The following SH2D4B variants were observed in gnomAD, a reference collection of about 807,000 sequenced individuals.
The protein encoded by SH2D4B is SH2 domain containing 4B.
Under a neutral mutation model 61.5 loss-of-function variants are expected in SH2D4B, and 45 were observed. That is an observed-to-expected ratio of 0.73 (90% CI 0.58 to 0.94). SH2D4B has a LOEUF of 0.94. SH2D4B is among the 40% of genes least tolerant of loss of function. The probability of loss-of-function intolerance (pLI) is 0.00; values close to 1 mark genes in which losing one functional copy is unlikely to be tolerated. For missense variants in SH2D4B, 572 were observed against 574.2 expected (o/e 1.00, Z 0.04); for synonymous variants, 224 against 220.4 (o/e 1.02, Z -0.14).
rs540152618 is a variant in SH2D4B, at chr10:80,634,520, G to A, written c.1209+15G>A. 2.9e-4 allele frequency: 444 copies of A among 1,547,690 alleles called. 10 individuals are homozygous for A. The South Asian group carries it at 4.8e-3, about 17-fold the overall frequency. On this transcript the variant is annotated intron_variant, in intron 7 of 7. Coordinates refer to ENST00000646907, the MANE Select transcript of SH2D4B (RefSeq NM_001388272.1). ...ATTTCCATAAGGTATCCCTCACAGG[G>A]ATACTAATGGGGGGGAGGGGGAACT...
At chr10:80,619,999 A>G (rs1842700434) in intron 6 of SH2D4B, among the ~76,000 whole-genome samples, 1 of 152,190 alleles carries the variant, frequency 6.6e-6, no homozygotes, top group Non-Finnish European at 1.5e-5. Context: ...GGACTTGGAA[A>G]TGATATCTTG....
chr10:80,553,291 T>C (rs1259263283), intron 1 of SH2D4B, among the ~76,000 whole-genome samples: 1 of 152,226 alleles, frequency 6.6e-6, no homozygotes, highest in East Asian at 1.9e-4. Flanking sequence ...ATTCTCACCC[T>C]CAAAACTGTG....
intron 5 of SH2D4B, among the ~76,000 whole-genome samples, chr10:80,604,281 G>A (rs548089820): frequency 2.6e-5 from 4 of 152,280 alleles, no homozygotes; most frequent in East Asian, 1.9e-4. Flanking sequence ...GGTTGCAGGC[G>A]GGTCCTCACA....
At chr10:80,543,597 G>C (rs993934741) in intron 1 of SH2D4B, among the ~76,000 whole-genome samples, 1 of 152,210 alleles carries the variant, frequency 6.6e-6, no homozygotes, top group South Asian at 2.1e-4. Context: ...TGAGGAGTGC[G>C]GGCGCACCGC....
At chr10:80,571,247 C>T (rs952310541) in intron 2 of SH2D4B, among the ~76,000 whole-genome samples, 184 bp from the exon 3 acceptor site, 1 of 152,198 alleles carries the variant, frequency 6.6e-6, no homozygotes, top group African/African-American at 2.4e-5. Flanking sequence ...GTTTTCCTGG[C>T]TTCCAGAACA....
intron 6 of SH2D4B, among the ~76,000 whole-genome samples, chr10:80,610,103 A>G (rs1007319823): frequency 1.3e-5 from 2 of 152,088 alleles, no homozygotes; most frequent in African/African-American, 2.4e-5. Context: ...TTCCCATCTC[A>G]GACCTTTTGT....
chr10:80,640,670 A>G (rs1170343098), intron 7 of SH2D4B, among the ~76,000 whole-genome samples: 1 of 152,118 alleles, frequency 6.6e-6, no homozygotes, highest in Non-Finnish European at 1.5e-5. Context: ...TACACTGTTT[A>G]TTCTAGTTAG....
At chr10:80,642,566 A>G (rs780450512) in intron 7 of SH2D4B, among the ~76,000 whole-genome samples, 1 of 152,200 alleles carries the variant, frequency 6.6e-6, no homozygotes, top group Admixed American at 6.5e-5. Flanking sequence ...TGTCATTCAG[A>G]TATATCTATG....
intron 6 of SH2D4B, among the ~76,000 whole-genome samples, chr10:80,614,795 G>C (rs539065374): frequency 3.3e-5 from 5 of 152,252 alleles, no homozygotes; most frequent in Admixed American, 2.6e-4. Flanking sequence ...GGTTGGCCGG[G>C]GCCTGGGGCT....
chr10:80,549,233 G>GTA (rs1334717464), intron 1 of SH2D4B, among the ~76,000 whole-genome samples: 2 of 151,872 alleles, frequency 1.3e-5, no homozygotes, highest in Non-Finnish European at 2.9e-5. Flanking sequence ...GTGTGTGTGT[G>GTA]TGTGTGTGTG....
chr10:80,572,373 G>T (rs575101230), intron 3 of SH2D4B, among the ~76,000 whole-genome samples: 1 of 152,240 alleles, frequency 6.6e-6, no homozygotes, highest in African/African-American at 2.4e-5. Context: ...CAAATAGTAG[G>T]TTTTTCCGGT....
intron 1 of SH2D4B, among the ~76,000 whole-genome samples, chr10:80,541,780 G>A (rs11185951): frequency 5.8e-4 from 89 of 152,160 alleles, no homozygotes; most frequent in African/African-American, 2.1e-3. Flanking sequence ...AATCATTCTC[G>A]TTTACAGAAC....
At chr10:80,573,508 G>C (rs1039822478) in intron 3 of SH2D4B, among the ~76,000 whole-genome samples, 1 of 151,998 alleles carries the variant, frequency 6.6e-6, no homozygotes, top group South Asian at 2.1e-4. Context: ...CCTTCACTTT[G>C]GAGGGTGATG....
rs868133797 is a variant in SH2D4B, at chr10:80,646,131, T to G, written c.*2046T>G. Reference sequence around the variant, plus strand: ...TTAAATGATAAACATGAAAGCTCTGTCCAAATGAAAAAGGTATTTCTAACA... The same window carrying G: ...TTAAATGATAAACATGAAAGCTCTGGCCAAATGAAAAAGGTATTTCTAACA... On this transcript the variant is annotated 3_prime_UTR_variant, in exon 8 of 8. Transcript: ENST00000646907. 6.6e-6 allele frequency: 1 copy of G among 152,576 alleles called. No individual in the cohort carries two copies. The highest frequency in any genetic ancestry group is 1.5e-5 in the Non-Finnish European group (1 of 68,026). 9.5% of individuals were successfully genotyped at this position (152,576 alleles called of 1,614,324 possible).
chr10:80,599,333 A>C (rs1842418825), intron 4 of SH2D4B, among the ~76,000 whole-genome samples: 1 of 152,108 alleles, frequency 6.6e-6, no homozygotes. Context: ...GACATCGTGC[A>C]GTTTCTCCTT....
intron 7 of SH2D4B, among the ~76,000 whole-genome samples, chr10:80,643,458 G>T (rs887842514): frequency 5.3e-5 from 8 of 151,954 alleles, no homozygotes; most frequent in African/African-American, 1.7e-4. Flanking sequence ...GCTATGAAGC[G>T]ATCTTCCAAC....
Position 80,571,417 on chromosome 10 carries a change from T to A in SH2D4B, c.348-14T>A. ...TTTTCACACAAGCTTATACCTGTGG[T>A]GCTCTCTTGGTAGGAGACAGAAGGA... On this transcript the variant is annotated splice_polypyrimidine_tract_variant and intron_variant, in intron 2 of 7. Coordinates refer to ENST00000646907, the MANE Select transcript of SH2D4B (RefSeq NM_001388272.1). 1.2e-6 allele frequency: 2 copies of A among 1,613,420 alleles called. No homozygotes were observed. The highest frequency in any genetic ancestry group is 1.7e-6 in the Non-Finnish European group (2 of 1,179,630).
chr10:80,630,740 A>G (rs1370660539), intron 6 of SH2D4B, among the ~76,000 whole-genome samples: 1 of 151,992 alleles, frequency 6.6e-6, no homozygotes, highest in Non-Finnish European at 1.5e-5. Context: ...GGGAGAGAAG[A>G]GGATGGGGCT....
chr10:80,638,917 G>T (rs1487063668), intron 7 of SH2D4B, among the ~76,000 whole-genome samples: 6 of 152,120 alleles, frequency 3.9e-5, no homozygotes, highest in Admixed American at 3.3e-4. Context: ...TCTCTTGTGG[G>T]CATTTAGTGC....
Sources: allele counts gnomAD v4.1 joint callset (sites outside exome capture counted in the v4.1 genomes callset), GRCh38; gene constraint gnomAD v4.1.1; transcripts MANE v1.5; gene names NCBI Gene and HGNC (gene_info 2026-07-23, HGNC 2026-07-21).